CSF3R: variants seen among roughly 807,000 people sequenced by gnomAD.
CSF3R encodes granulocyte colony-stimulating factor receptor.
CSF3R carries 52 observed loss-of-function variants against 84.4 expected under a neutral mutation model. The ratio of observed to expected loss-of-function variants is 0.62; its 90% confidence interval spans 0.49 to 0.78. The LOEUF (loss-of-function observed/expected upper bound fraction) is 0.78, where lower values mean the gene tolerates loss of function less well. CSF3R is among the 30% of genes least tolerant of loss of function. CSF3R has a pLI of 0.00. For missense variants in CSF3R, 890 were observed against 1,055.7 expected (o/e 0.84, Z 2.17); for synonymous variants, 384 against 429.1 (o/e 0.89, Z 1.30).
chr1:36,467,494 A>G lies in CSF3R; in HGVS notation c.1958+64T>C, dbSNP rs1194742530. ...GGCTGGAAGGGACTTAGATGGGCCC[A>G]TCTGGACCTGAGGTTCCCTGTGGGT... On this transcript the variant is annotated intron_variant, in intron 15 of 16. Transcript: ENST00000373106. This position sits in a 1 kb window ranked among gnomAD's most constrained non-coding sequence, Gnocchi z 4.1. The G allele has an allele frequency of 2.6e-6, 4 of 1,540,554 alleles. No individual in the cohort carries two copies. The highest frequency in any genetic ancestry group is 3.6e-6 in the Non-Finnish European group (4 of 1,115,598).
Position 36,469,795 on chromosome 1 carries a change from C to T in CSF3R, c.1331G>A (p.Ser444Asn). 6.2e-7 allele frequency: 1 copy of T among 1,614,104 alleles called. No homozygotes were observed. The highest frequency in any genetic ancestry group is 8.5e-7 in the Non-Finnish European group (1 of 1,180,046). The change falls in exon 11 of 17, where the codon AGC becomes AAC. Residue 444 changes from serine to asparagine, a missense_variant. Physicochemically the swap from Ser to Asn is conservative, Grantham distance 46. Transcript: ENST00000373106. Reference protein sequence around the residue: ...RLHAMARDPHSLWVGWEPPNP... With the variant: ...RLHAMARDPHNLWVGWEPPNP... ...GGGGGGCTCCCAGCCTACCCAGAGGCTGTGAGGGTCTCGGGCCATGGCATG... is the reference window on the plus strand; with the variant it reads ...GGGGGGCTCCCAGCCTACCCAGAGGTTGTGAGGGTCTCGGGCCATGGCATG...
At chr1:36,473,230 G>T in intron 6 of CSF3R, 1 of 615,162 alleles carries the variant, frequency 1.6e-6, no homozygotes, top group Non-Finnish European at 2.8e-6. Context: ...GTGTCTCTTT[G>T]CCTCTGTGTC....
chr1:36,474,552 T>C (rs760580211), intron 4 of CSF3R, among the ~76,000 whole-genome samples: 1 of 152,116 alleles, frequency 6.6e-6, no homozygotes, highest in Non-Finnish European at 1.5e-5. Flanking sequence ...TGACCTCAAA[T>C]GATCCACCTA....
Position 36,472,342 on chromosome 1 carries a change from A to G in CSF3R, c.893T>C (p.Leu298Pro). Reference protein sequence around the residue: ...EALQYELCGLLPATAYTLQIR... With the variant: ...EALQYELCGLPPATAYTLQIR... ...CTGCAGGGTGTAGGCCGTGGCTGGG[A>G]GGAGCCCGCAGAGCTCATACTGAAG... The change falls in exon 8 of 17, where the codon CTC (leucine) becomes CCC (proline). Residue 298 changes from leucine to proline, a missense_variant. Leu to Pro is a moderately conservative substitution (Grantham distance 98). Transcript: ENST00000373106. The surrounding 1 kb of genome is among the most constrained non-coding windows in gnomAD (Gnocchi z 5.0). The G allele has an allele frequency of 6.2e-7, 1 of 1,614,054 alleles. No individual in the cohort carries two copies. Among genetic ancestry groups the G allele is most frequent in the Non-Finnish European group, 8.5e-7 (1 of 1,180,006 alleles).
intron 9 of CSF3R, 80 bp downstream of exon 9, chr1:36,471,986 G>A: frequency 7.0e-7 from 1 of 1,424,368 alleles, no homozygotes; most frequent in South Asian, 1.2e-5. Flanking sequence ...ACCTGTTGGA[G>A]TCCTAAGCCC....
intron 12 of CSF3R, chr1:36,468,952 TC>T (rs1650524056): frequency 1.7e-6 from 1 of 585,264 alleles, no homozygotes; most frequent in Non-Finnish European, 3.1e-6. Context: ...TTGTGCCAAC[TC>T]CCTACTCAAT....
chr1:36,469,619 C>T (rs376850709), intron 11 of CSF3R, 33 bp downstream of exon 11: 32 of 1,612,808 alleles, frequency 2.0e-5, no homozygotes, highest in Non-Finnish European at 2.6e-5. Flanking sequence ...CCCTTTGTCC[C>T]TGGCCCTGCC....
chr1:36,467,128 G>T lies in CSF3R; in HGVS notation c.2040+102C>A. On this transcript the variant is annotated intron_variant, in intron 16 of 16. Transcript: ENST00000373106. This position sits in a 1 kb window ranked among gnomAD's most constrained non-coding sequence, Gnocchi z 4.1. ...AGTCCAAAGGGACGAGATGTTGCCG[G>T]AAGTGACAGGAAGGCCTGAGTACTT... 7.3e-7 allele frequency: 1 copy of T among 1,371,962 alleles called. No homozygotes were observed. The highest frequency in any genetic ancestry group is 1.0e-6 in the Non-Finnish European group (1 of 963,014). 85.0% of individuals were successfully genotyped at this position (1,371,962 alleles called of 1,614,324 possible). A position where few individuals can be genotyped will look rare whatever the true frequency, so the allele number is the denominator to read the frequency against.
At chr1:36,474,019 C>T in intron 4 of CSF3R, 132 bp from the exon 5 acceptor site, 1 of 1,384,152 alleles carries the variant, frequency 7.2e-7, no homozygotes, top group Non-Finnish European at 1.0e-6. Context: ...CCCCTGTCTC[C>T]AGGCAGAGTG....
At position 36,466,861 on chromosome 1, in the gene CSF3R, C is replaced by T; in HGVS notation, c.2041-34G>A. ...AAGGATGTGGGGTGAGAGCACGGCTCATTTCAGATGTCTGCCCCAGCCACT... is the reference window on the plus strand; with the variant it reads ...AAGGATGTGGGGTGAGAGCACGGCTTATTTCAGATGTCTGCCCCAGCCACT... On this transcript the variant is annotated intron_variant, in intron 16 of 16. Coordinates refer to ENST00000373106, the MANE Select transcript of CSF3R (RefSeq NM_000760.4). This position sits in a 1 kb window ranked among gnomAD's most constrained non-coding sequence, Gnocchi z 4.6. 2 of 1,614,136 alleles carry T rather than the reference C, an allele frequency of 1.2e-6. No individual in the cohort carries two copies. The highest frequency in any genetic ancestry group is 1.7e-6 in the Non-Finnish European group (2 of 1,180,014).
In CSF3R at chr1:36,466,177, T is replaced by C. The variant is rs367706643; in HGVS notation, c.*180A>G. 1.7e-5 allele frequency: 27 copies of C among 1,614,144 alleles called. No individual in the cohort carries two copies. In the African/African-American group the frequency reaches 2.4e-4, roughly 14 times the overall value. ...GGAGCATGATCTGGTCCTTAAAGTATGCAGATCGCCTGGGAGGCCCAGCCT... is the reference window on the plus strand; with the variant it reads ...GGAGCATGATCTGGTCCTTAAAGTACGCAGATCGCCTGGGAGGCCCAGCCT... On this transcript the variant is annotated 3_prime_UTR_variant, in exon 17 of 17. Transcript: ENST00000373106. The surrounding 1 kb of genome is among the most constrained non-coding windows in gnomAD (Gnocchi z 4.6).
At position 36,466,278 on chromosome 1, in the gene CSF3R, G is replaced by A; in HGVS notation, c.*79C>T. 1 of 1,612,004 alleles carries A rather than the reference G, an allele frequency of 6.2e-7. No homozygotes were observed. The highest frequency in any genetic ancestry group is 8.5e-7 in the Non-Finnish European group (1 of 1,179,354). ...CTGGGCTGGGGTAGTTTTTAGTCAT[G>A]GGCTTATGGACCCTCCCCTCTTCTC... On this transcript the variant is annotated 3_prime_UTR_variant, in exon 17 of 17. Transcript: ENST00000373106. This position sits in a 1 kb window ranked among gnomAD's most constrained non-coding sequence, Gnocchi z 4.6.
At position 36,472,311 on chromosome 1, in the gene CSF3R, GC is replaced by G. The variant is rs1650809848; in HGVS notation, c.923del (p.Arg308ProfsTer20). On this transcript the variant is annotated frameshift_variant, in exon 8 of 17. Coordinates refer to ENST00000373106, the MANE Select transcript of CSF3R (RefSeq NM_000760.4). LOFTEE classifies it high-confidence loss of function. This position sits in a 1 kb window ranked among gnomAD's most constrained non-coding sequence, Gnocchi z 5.0. ...GGCCAGGCAGGGGCCAGCGGATGCA[GC>G]GTATCTGCAGGGTGTAGGCCGTGGC... ...LPATAYTLQIRCIRWPLPGHW... is the reference protein window; with the variant it reads ...LPATAYTLQIXCIRWPLPGHW... 6.2e-7 allele frequency: 1 copy of G among 1,614,104 alleles called. No individual in the cohort carries two copies. Among genetic ancestry groups the G allele is most frequent in the South Asian group, 1.1e-5 (1 of 91,090 alleles).
chr1:36,470,309 C>T (rs1461233286), intron 10 of CSF3R, among the ~76,000 whole-genome samples: 3 of 152,164 alleles, frequency 2.0e-5, no homozygotes, highest in African/African-American at 2.4e-5. Flanking sequence ...CGCAGCCTCC[C>T]GACTAGCTGG....
At chr1:36,474,954 GC>G (rs1459350832) in intron 4 of CSF3R, among the ~76,000 whole-genome samples, 1 of 151,890 alleles carries the variant, frequency 6.6e-6, no homozygotes, top group Admixed American at 6.5e-5. Flanking sequence ...CTGATATCAT[GC>G]CCATAAAGTG....
chr1:36,471,458 A>G lies in CSF3R; in HGVS notation c.1260T>C (p.Thr420=), dbSNP rs3917981. 0.56 allele frequency: 901,766 copies of G among 1,613,338 alleles called. 255,538 individuals carry two copies. Among genetic ancestry groups the G allele is most frequent in the African/African-American group, 0.72 (54,312 of 74,960 alleles). Reference sequence around the variant, plus strand: ...CTCTGCTTTCTGAGAAGACCACCGGAGTGGGACGAGAGGTCCCGGCTGAGT... The same window carrying G: ...CTCTGCTTTCTGAGAAGACCACCGGGGTGGGACGAGAGGTCCCGGCTGAGT... The part of the protein sequence containing the change: ...AYNSAGTSRP[T]PVVFSESRGP... The change falls in exon 10 of 17, where the codon ACT becomes ACC. Residue 420 remains threonine, a synonymous_variant. Coordinates refer to ENST00000373106, the MANE Select transcript of CSF3R (RefSeq NM_000760.4).
intron 4 of CSF3R, among the ~76,000 whole-genome samples, chr1:36,474,996 T>C: frequency 6.8e-6 from 1 of 146,582 alleles, no homozygotes. Context: ...TAGGTAGTAC[T>C]CTTTTTTTTT....
At position 36,475,580 on chromosome 1, in the gene CSF3R, C is replaced by T; in HGVS notation, c.158G>A (p.Ser53Asn). 3.7e-6 allele frequency: 6 copies of T among 1,612,808 alleles called. No individual in the cohort carries two copies. The highest frequency in any genetic ancestry group is 5.1e-6 in the Non-Finnish European group (6 of 1,178,914). Residue 53 changes from serine (S) to asparagine (N), a missense_variant, in exon 4 of 17, where the codon AGC becomes AAC. Coordinates refer to ENST00000373106, the MANE Select transcript of CSF3R (RefSeq NM_000760.4). ...AATCTGTGGCTCCGGGTCCAGATGG[C>T]TGCAGTTCTGCTTGATGATGCAGGA... ...TASCIIKQNC[S>N]HLDPEPQILW...
chr1:36,480,321 C>T (rs936617105), intron 2 of CSF3R, among the ~76,000 whole-genome samples: 6 of 152,246 alleles, frequency 3.9e-5, no homozygotes, highest in African/African-American at 1.4e-4. Context: ...AAGCTGGCTG[C>T]CTCAGCCATG....
Sources: allele counts gnomAD v4.1 joint callset (sites outside exome capture counted in the v4.1 genomes callset), GRCh38; gene constraint gnomAD v4.1.1; non-coding constraint Gnocchi (gnomAD v3.1); transcripts MANE v1.5; gene names NCBI Gene and HGNC (gene_info 2026-07-23, HGNC 2026-07-21).